Variants in ABCC12 observed in about 807,000 individuals in gnomAD.
The protein encoded by ABCC12 is ATP-binding cassette sub-family C member 12.
A neutral mutation model predicts 151.1 loss-of-function variants in ABCC12; 142 were observed. The ratio of observed to expected loss-of-function variants is 0.94; its 90% confidence interval spans 0.82 to 1.08. ABCC12 has a LOEUF of 1.08. Among genes scored for constraint, ABCC12 ranks in the 50% least tolerant of loss-of-function variants. The pLI is 0.00. For missense variants in ABCC12, 1,638 were observed against 1,691.1 expected (o/e 0.97, Z 0.55); for synonymous variants, 645 against 646.4 (o/e 1.00, Z 0.03).
chr16:48,155,181 G>A (rs1218554483), intron 1 of ABCC12, among the ~76,000 whole-genome samples: 4 of 152,134 alleles, frequency 2.6e-5, no homozygotes, highest in African/African-American at 4.8e-5. Context: ...GGGGGTGTGG[G>A]AAGGGAAGTG....
intron 23 of ABCC12, among the ~76,000 whole-genome samples, chr16:48,097,246 C>T (rs962255413): frequency 6.6e-6 from 1 of 152,076 alleles, no homozygotes. Context: ...CACATTCTGA[C>T]TCCAAAGGAT....
chr16:48,091,226 A>T lies in ABCC12; in HGVS notation c.3196-17T>A. ...TCCGCTCAGCTGTTGAAAAGGAGCGAGCAGCCGCAGTTAGAGCCCCTTCCT... is the reference window on the plus strand; with the variant it reads ...TCCGCTCAGCTGTTGAAAAGGAGCGTGCAGCCGCAGTTAGAGCCCCTTCCT... On this transcript the variant is annotated splice_polypyrimidine_tract_variant and intron_variant, in intron 24 of 30. Coordinates refer to ENST00000311303, the MANE Select transcript of ABCC12 (RefSeq NM_001393797.1). The T allele has an allele frequency of 6.2e-7, 1 of 1,613,062 alleles. No homozygotes were observed. Among genetic ancestry groups the T allele is most frequent in the Non-Finnish European group, 8.5e-7 (1 of 1,179,118 alleles).
At position 48,143,985 on chromosome 16, in the gene ABCC12, C is replaced by G; in HGVS notation, c.200G>C (p.Gly67Ala). 1.9e-6 allele frequency: 3 copies of G among 1,614,014 alleles called. No individual in the cohort carries two copies. The highest frequency in any genetic ancestry group is 2.5e-6 in the Non-Finnish European group (3 of 1,180,034). ...FSWLTPVMVK[G>A]YRQRLTVDTL... ...GTCTACGGTCAGCCTTTGCCGGTAGCCTTTCACCATCACCGGCGTGAGCCA... is the reference window on the plus strand; with the variant it reads ...GTCTACGGTCAGCCTTTGCCGGTAGGCTTTCACCATCACCGGCGTGAGCCA... The change falls in exon 4 of 31, where the codon GGC (glycine) becomes GCC (alanine). Residue 67 changes from glycine to alanine, a missense_variant. Physicochemically the swap from Gly to Ala is moderately conservative, Grantham distance 60. Transcript: ENST00000311303.
intron 9 of ABCC12, among the ~76,000 whole-genome samples, chr16:48,132,341 A>C (rs1479190636): frequency 1.3e-5 from 2 of 152,120 alleles, no homozygotes; most frequent in African/African-American, 4.8e-5. Flanking sequence ...GAGAAAATAA[A>C]AGCAACTCAC....
intron 22 of ABCC12, among the ~76,000 whole-genome samples, chr16:48,101,422 G>A (rs749046471): frequency 2.0e-5 from 3 of 152,052 alleles, no homozygotes; most frequent in Non-Finnish European, 4.4e-5. Flanking sequence ...GCCAACATGT[G>A]GCCTTCTAAA....
At chr16:48,152,536 C>A (rs1364164916) in intron 2 of ABCC12, among the ~76,000 whole-genome samples, 1 of 152,306 alleles carries the variant, frequency 6.6e-6, no homozygotes, top group East Asian at 1.9e-4. Context: ...GGTAGGAAAG[C>A]AGGTTAGCTG....
At chr16:48,144,541 A>G (rs1214115388) in intron 3 of ABCC12, among the ~76,000 whole-genome samples, 1 of 152,034 alleles carries the variant, frequency 6.6e-6, no homozygotes, top group African/African-American at 2.4e-5. Flanking sequence ...CTAAGGTAGT[A>G]TAGAAGTCCA....
chr16:48,096,722 G>A (rs1276131811), intron 24 of ABCC12, 24 bp downstream of exon 24: 1 of 1,613,382 alleles, frequency 6.2e-7, no homozygotes, highest in South Asian at 1.1e-5. Context: ...TCCAGACTAA[G>A]CCCAACTTTG....
intron 1 of ABCC12, among the ~76,000 whole-genome samples, chr16:48,154,223 A>G (rs1965153797): frequency 6.6e-6 from 1 of 152,148 alleles, no homozygotes. Context: ...ACCTCAACAG[A>G]CTGGACAGGC....
chr16:48,119,365 C>T (rs1004568821), intron 13 of ABCC12, among the ~76,000 whole-genome samples: 1 of 152,260 alleles, frequency 6.6e-6, no homozygotes, highest in Non-Finnish European at 1.5e-5. Flanking sequence ...ACACCTGAGC[C>T]ATCTCTTTCC....
At position 48,108,456 on chromosome 16, in the gene ABCC12, G is replaced by C. The variant is rs1232328688; in HGVS notation, c.2355C>G (p.Tyr785Ter). 1.2e-6 allele frequency: 2 copies of C among 1,614,084 alleles called. No individual in the cohort carries two copies. Among genetic ancestry groups the C allele is most frequent in the East Asian group, 4.5e-5 (2 of 44,884 alleles). ...ATACTGAACCTCCAGAAGCCTTAATGTACGTGTGATATGTTTTCCAGGTCA... is the reference window on the plus strand; with the variant it reads ...ATACTGAACCTCCAGAAGCCTTAATCTACGTGTGATATGTTTTCCAGGTCA... Reference protein sequence around the residue: ...GTVTWKTYHTYIKASGGYLLS... With the variant: ...GTVTWKTYHT The change falls in exon 19 of 31, where the codon TAC (tyrosine) becomes TAG (stop). Residue 785 changes from tyrosine to a stop codon, truncating the protein, a stop_gained. Transcript: ENST00000311303. LOFTEE classifies it high-confidence loss of function.
rs138476169 is a variant in ABCC12, at chr16:48,145,884, G to A, written c.119+422C>T. 9.9e-5 allele frequency among the ~76,000 whole-genome samples: 15 copies of A among 152,266 alleles called. No homozygotes were observed. The East Asian group carries it at 2.9e-3, about 29-fold the overall frequency. On this transcript the variant is annotated intron_variant, in intron 3 of 30. Transcript: ENST00000311303. ...CCATCAAACTGTAAGCTAAATGAGTGGCAATTGTTTTAAGCTGCTAAGTGT... is the reference window on the plus strand; with the variant it reads ...CCATCAAACTGTAAGCTAAATGAGTAGCAATTGTTTTAAGCTGCTAAGTGT...
At chr16:48,140,376 A>G (rs1451513992) in intron 6 of ABCC12, among the ~76,000 whole-genome samples, 1 of 152,146 alleles carries the variant, frequency 6.6e-6, no homozygotes, top group Non-Finnish European at 1.5e-5. Context: ...TTAAATGCCT[A>G]TAGTGTGCTC....
intron 3 of ABCC12, among the ~76,000 whole-genome samples, chr16:48,145,871 A>C (rs181894325): frequency 3.9e-5 from 6 of 152,332 alleles, no homozygotes; most frequent in Non-Finnish European, 8.8e-5. Flanking sequence ...ATCAAACTGT[A>C]AGCTAAATGA....
chr16:48,139,337 C>T lies in ABCC12; in HGVS notation c.658-1G>A, dbSNP rs1404332909. On this transcript the variant is annotated splice_acceptor_variant, in intron 6 of 30. Transcript: ENST00000311303. LOFTEE classifies it high-confidence loss of function. ...TATCACTTGACAGTATATTGAGCAC[C>T]TGGAAAGAAAAGCGCAAAGGTTCAG... 3 of 1,597,472 alleles carry T rather than the reference C, an allele frequency of 1.9e-6. No individual in the cohort carries two copies. Among genetic ancestry groups the T allele is most frequent in the East Asian group, 2.2e-5 (1 of 44,752 alleles).
rs766670563 is a variant in ABCC12 at position 48,085,603 on chromosome 16, C to T, written c.3818G>A (p.Arg1273His). The T allele has an allele frequency of 3.0e-5, 48 of 1,613,812 alleles. 1 individual carries two copies. The highest frequency in any genetic ancestry group is 6.7e-5 in the Admixed American group (4 of 59,990). Residue 1273 changes from arginine to histidine, a missense_variant, in exon 29 of 31, where the codon CGT becomes CAT. By Grantham distance (29) the Arg-to-His change is conservative (BLOSUM62 0). Coordinates refer to ENST00000311303, the MANE Select transcript of ABCC12 (RefSeq NM_001393797.1). The part of the protein sequence containing the change: ...QLLCVARALL[R>H]NSKIILLDEA... Reference sequence around the variant, plus strand: ...TCCGTGTTTTCTTACCTTTGAATTACGGAGAAGAGCTCGGGCCACACAAAG... The same window carrying T: ...TCCGTGTTTTCTTACCTTTGAATTATGGAGAAGAGCTCGGGCCACACAAAG...
chr16:48,096,849 A>C lies in ABCC12; in HGVS notation c.3092T>G (p.Val1031Gly). 6.2e-7 allele frequency: 1 copy of C among 1,614,192 alleles called. No individual in the cohort carries two copies. The highest frequency in any genetic ancestry group is 8.5e-7 in the Non-Finnish European group (1 of 1,180,022). Residue 1031 changes from valine to glycine, a missense_variant, in exon 24 of 31, where the codon GTC becomes GGC. Physicochemically the swap from Val to Gly is moderately radical, Grantham distance 109. Coordinates refer to ENST00000311303, the MANE Select transcript of ABCC12 (RefSeq NM_001393797.1). ...ALRWFALRMDVLMNILTFTVA... is the reference protein window; with the variant it reads ...ALRWFALRMDGLMNILTFTVA... ...AGTGAAGGTAAGGATGTTCATGAGG[A>C]CATCCATTCTCAGCGCAAACCACCT...
Position 48,115,503 on chromosome 16 carries a change from TC to T in ABCC12, c.1900del (p.Asp634ThrfsTer25). ...AAAGACGTGCTTCCCCACGTGGGCGTCCACGGCCGACAGGGGGTCGTCCAGC... is the reference window on the plus strand; with the variant it reads ...AAAGACGTGCTTCCCCACGTGGGCGTCACGGCCGACAGGGGGTCGTCCAGC... ...YLLDDPLSAVDAHVGKHVFEE... is the reference protein window; with the variant it reads ...YLLDDPLSAVXAHVGKHVFEE... On this transcript the variant is annotated frameshift_variant, in exon 15 of 31. Coordinates refer to ENST00000311303, the MANE Select transcript of ABCC12 (RefSeq NM_001393797.1). LOFTEE classifies it high-confidence loss of function. 1 of 1,614,178 alleles carries T rather than the reference TC, an allele frequency of 6.2e-7. No homozygotes were observed. The highest frequency in any genetic ancestry group is 8.5e-7 in the Non-Finnish European group (1 of 1,180,024).
intron 1 of ABCC12, among the ~76,000 whole-genome samples, chr16:48,154,166 A>C (rs1285646894): frequency 2.0e-5 from 3 of 152,168 alleles, no homozygotes; most frequent in Non-Finnish European, 4.4e-5. Flanking sequence ...GATGCCAAAA[A>C]GTCACTGGTG....
Sources: gnomAD v4.1 joint callset for allele counts (sites outside exome capture counted in the v4.1 genomes callset) on GRCh38, gnomAD v4.1.1 for gene constraint, MANE v1.5 for transcripts, NCBI Gene and HGNC (gene_info 2026-07-23, HGNC 2026-07-21) for gene names.